Variants in LIPA observed in about 807,000 individuals in gnomAD.
The protein encoded by LIPA is lipase A, lysosomal acid type.
A neutral mutation model predicts 40.6 loss-of-function variants in LIPA; 26 were observed. That is an observed-to-expected ratio of 0.64 (90% CI 0.47 to 0.89). LIPA has a LOEUF of 0.89. Among genes scored for constraint, LIPA ranks in the 40% least tolerant of loss-of-function variants. The pLI, the probability that LIPA is intolerant of heterozygous loss-of-function variation, is 0.00. For missense variants in LIPA, 455 were observed against 479.6 expected (o/e 0.95, Z 0.48); for synonymous variants, 188 against 168.4 (o/e 1.12, Z -0.90).
At chr10:89,337,645 C>T (rs958133658) in intron 1 of LIPA, among the ~76,000 whole-genome samples, 3 of 152,204 alleles carry the variant, frequency 2.0e-5, no homozygotes, top group Non-Finnish European at 2.9e-5. Flanking sequence ...GTGATCCACC[C>T]GCCTTGGCCT....
intron 1 of LIPA, among the ~76,000 whole-genome samples, chr10:89,288,035 T>C (rs942367223): frequency 2.6e-5 from 4 of 152,176 alleles, no homozygotes; most frequent in Non-Finnish European, 4.4e-5. Context: ...CCGACACCCA[T>C]CAGGCTCAGC....
chr10:89,341,437 C>T (rs9663337), intron 1 of LIPA, among the ~76,000 whole-genome samples: 10,530 of 152,230 alleles, frequency 0.069, 916 homozygotes, highest in African/African-American at 0.2. Context: ...GGGGGAATAG[C>T]CTCCATGGAC....
At chr10:89,329,840 G>A (rs1027850915) in intron 1 of LIPA, among the ~76,000 whole-genome samples, 1 of 152,136 alleles carries the variant, frequency 6.6e-6, no homozygotes, top group East Asian at 1.9e-4. Context: ...TTTCACCTGG[G>A]TGCAGGTGGG....
intron 1 of LIPA, among the ~76,000 whole-genome samples, chr10:89,320,713 A>G (rs2133532246): frequency 6.6e-6 from 1 of 152,352 alleles, no homozygotes; most frequent in Middle Eastern, 3.4e-3. Flanking sequence ...ATTGGAAAAA[A>G]CTACTTTAAA....
In LIPA at chr10:89,402,594, C is replaced by T. The variant is rs1446635400; in HGVS notation, c.61+10197G>A. Reference sequence around the variant, plus strand: ...GGGCAACTTTGCCTGGATGTATTACCACATGGGCAGACTGGCAGAAGCCCA... The same window carrying T: ...GGGCAACTTTGCCTGGATGTATTACTACATGGGCAGACTGGCAGAAGCCCA... On this transcript the variant is annotated intron_variant, in intron 2 of 8. Transcript: ENST00000371837. The T allele has an allele frequency of 8.7e-6, 14 of 1,614,186 alleles. 1 individual carries two copies. The Admixed American group carries it at 2.2e-4, about 25-fold the overall frequency.
intron 8 of LIPA, among the ~76,000 whole-genome samples, chr10:89,220,573 G>A (rs1233728165): frequency 6.6e-6 from 1 of 152,166 alleles, no homozygotes; most frequent in Non-Finnish European, 1.5e-5. Context: ...AGCATGTGCT[G>A]TTCAGCACGT....
At position 89,379,487 on chromosome 10, in the gene LIPA, T is replaced by C. The variant is rs1450531026; in HGVS notation, c.61+33304A>G. Among the ~76,000 whole-genome samples, 7 of 152,286 alleles carry C rather than the reference T, an allele frequency of 4.6e-5. No homozygotes were observed. In the East Asian group the frequency reaches 1.3e-3, roughly 29 times the overall value. ...AAATATATATTTCTTTTTTTCCTGG[T>C]GTAGTTAGAACTGGTGACCTGCAGA... On this transcript the variant is annotated intron_variant, in intron 2 of 8. Transcript: ENST00000371837.
chr10:89,290,615 G>T (rs1203239802), intron 1 of LIPA, among the ~76,000 whole-genome samples: 5 of 152,176 alleles, frequency 3.3e-5, no homozygotes, highest in Admixed American at 3.3e-4. Context: ...TCCTGTCCCT[G>T]CCTTAACTGA....
chr10:89,298,004 G>A lies in LIPA; in HGVS notation c.-2+44607C>T, dbSNP rs186708063. On this transcript the variant is annotated intron_variant, in intron 1 of 5. Coordinates refer to the LIPA transcript ENST00000282673. Reference sequence around the variant, plus strand: ...TATTACAGAGAATGAAAGAGCCTGAGAGCTGTGTGTCTGTGGTATAGGTGG... The same window carrying A: ...TATTACAGAGAATGAAAGAGCCTGAAAGCTGTGTGTCTGTGGTATAGGTGG... Among the ~76,000 whole-genome samples, 116 of 152,338 alleles carry A rather than the reference G, an allele frequency of 7.6e-4. 1 individual carries two copies. The highest frequency in any genetic ancestry group is 1.3e-3 in the Non-Finnish European group (89 of 68,026).
intron 2 of LIPA, chr10:89,402,281 T>G (rs774440279): frequency 6.2e-7 from 1 of 1,600,686 alleles, no homozygotes; most frequent in Non-Finnish European, 8.5e-7. Flanking sequence ...GTTTTTACAG[T>G]ACAAATGGTG....
intron 3 of LIPA, among the ~76,000 whole-genome samples, chr10:89,229,744 C>T (rs1190125841): frequency 3.9e-5 from 5 of 128,538 alleles, no homozygotes; most frequent in African/African-American, 1.3e-4. Context: ...CAGAGGGAGA[C>T]TCAGTCTCAA....
intron 8 of LIPA, among the ~76,000 whole-genome samples, chr10:89,216,427 T>TAGAG (rs931586599): frequency 2.8e-5 from 4 of 140,876 alleles, no homozygotes; most frequent in South Asian, 2.2e-4. Flanking sequence ...ATATATATAA[T>TAGAG]AGAGAGAGAG....
chr10:89,389,347 T>C (rs950735885), intron 2 of LIPA, among the ~76,000 whole-genome samples: 1 of 152,238 alleles, frequency 6.6e-6, no homozygotes. Context: ...GTCACTACAA[T>C]GCCTTCATTT....
intron 1 of LIPA, among the ~76,000 whole-genome samples, chr10:89,301,409 G>A (rs1297636214): frequency 1.3e-5 from 2 of 152,220 alleles, no homozygotes; most frequent in Non-Finnish European, 2.9e-5. Flanking sequence ...ATTGGTATAA[G>A]GCAGAGCAAA....
At chr10:89,295,372 T>A (rs192589599) in intron 1 of LIPA, among the ~76,000 whole-genome samples, 8 of 152,308 alleles carry the variant, frequency 5.3e-5, no homozygotes, top group Admixed American at 2.0e-4. Context: ...TCAAATTTTT[T>A]AAAAAATCTC....
intron 1 of LIPA, among the ~76,000 whole-genome samples, chr10:89,328,280 G>C (rs1843618564): frequency 6.6e-6 from 1 of 152,126 alleles, no homozygotes; most frequent in Admixed American, 6.6e-5. Context: ...TTAAGTTTCT[G>C]GAATGGTTCC....
Position 89,376,187 on chromosome 10 carries a change from TA to T in LIPA, c.61+36603del, listed in dbSNP as rs66954730. ...TAGGTGATACAGCGAGACTCTATCT[TA>T]AAAAAAAAAAAAAAAAAAAAAGAAG... is the stretch of plus-strand genomic sequence containing the variant. On this transcript the variant is annotated intron_variant, in intron 2 of 8. Coordinates refer to the LIPA transcript ENST00000371837. Among the ~76,000 whole-genome samples the T allele has an allele frequency of 2.8e-3, 282 of 102,512 alleles. 2 individuals are homozygous for T. The highest frequency in any genetic ancestry group is 9.5e-3 in the African/African-American group (248 of 26,012). 67.3% of individuals were successfully genotyped at this position (102,512 alleles called of 152,430 possible). A position where few individuals can be genotyped will look rare whatever the true frequency, so the allele number is the denominator to read the frequency against.
rs760097231 is a variant in LIPA at position 89,384,101 on chromosome 10, G to C, written c.61+28690C>G. ...CAATATGCAGCCAAGTTTTATCGAA[G>C]AAAAGGGTCTGTGGATAAAGCTCTT... On this transcript the variant is annotated intron_variant, in intron 2 of 8. Transcript: ENST00000371837. 2.5e-5 allele frequency: 40 copies of C among 1,614,144 alleles called. No homozygotes were observed. The East Asian group carries it at 4.5e-4, about 18-fold the overall frequency.
intron 1 of LIPA, among the ~76,000 whole-genome samples, chr10:89,290,519 A>C (rs1195957404): frequency 6.6e-6 from 1 of 152,228 alleles, no homozygotes; most frequent in East Asian, 1.9e-4. Flanking sequence ...TCTGAGCCCA[A>C]GCTAAGCCAA....
Sources: gnomAD v4.1 joint callset for allele counts (sites outside exome capture counted in the v4.1 genomes callset) on GRCh38, gnomAD v4.1.1 for gene constraint, MANE v1.5 for transcripts, NCBI Gene and HGNC (gene_info 2026-07-23, HGNC 2026-07-21) for gene names.